STRA6: variants seen among roughly 807,000 people sequenced by gnomAD.
STRA6 encodes receptor for retinol uptake STRA6.
Under a neutral mutation model 83.6 loss-of-function variants are expected in STRA6, and 48 were observed. The ratio of observed to expected loss-of-function variants is 0.57; its 90% confidence interval spans 0.46 to 0.73. STRA6 has a LOEUF of 0.73. Among genes scored for constraint, STRA6 ranks in the 30% least tolerant of loss-of-function variants. The pLI, the probability that STRA6 is intolerant of heterozygous loss-of-function variation, is 0.00. For synonymous variants in STRA6, 353 were observed against 362.3 expected, an observed-to-expected ratio of 0.97 and a Z score of 0.29; for missense variants, 760 against 838.8, an observed-to-expected ratio of 0.91 and a Z score of 1.16.
chr15:74,194,987 G>A (rs2073739468), intron 7 of STRA6: 3 of 1,432,844 alleles, frequency 2.1e-6, no homozygotes, highest in Admixed American at 2.9e-5. Flanking sequence ...AAGGGAAGCT[G>A]GGGGATCACT....
At chr15:74,198,799 G>A (rs2073934133) in intron 2 of STRA6, among the ~76,000 whole-genome samples, 1 of 152,244 alleles carries the variant, frequency 6.6e-6, no homozygotes, top group Non-Finnish European at 1.5e-5. Context: ...TTCCACAGAG[G>A]CTCCCTATGG....
intron 1 of STRA6, 41 bp from the exon 2 acceptor site, chr15:74,202,323 G>A (rs1281517839): frequency 2.5e-6 from 4 of 1,583,882 alleles, no homozygotes; most frequent in African/African-American, 1.4e-5. Context: ...CACTACAGAT[G>A]TGAAAAGAGG....
At chr15:74,187,181 G>T (rs1242147186) in intron 12 of STRA6, among the ~76,000 whole-genome samples, 2 of 152,210 alleles carry the variant, frequency 1.3e-5, no homozygotes, top group Non-Finnish European at 2.9e-5. Flanking sequence ...AGGGTTAGCA[G>T]CCCCCTTGGC....
chr15:74,206,098 A>C (rs2074255922), upstream of STRA6, among the ~76,000 whole-genome samples: 1 of 152,100 alleles, frequency 6.6e-6, no homozygotes, highest in Non-Finnish European at 1.5e-5. Context: ...GAGATTCTCC[A>C]GTTGTGAACT....
intron 7 of STRA6, chr15:74,195,088 G>T (rs1157995163): frequency 6.8e-7 from 1 of 1,461,568 alleles, no homozygotes; most frequent in Non-Finnish European, 9.0e-7. Context: ...TAGACTTAAA[G>T]TTCCTGAGGG....
upstream of STRA6, among the ~76,000 whole-genome samples, chr15:74,204,937 A>G (rs1442810621): frequency 7.4e-6 from 1 of 134,662 alleles, no homozygotes; most frequent in Non-Finnish European, 1.7e-5. Context: ...TCCATCTCAA[A>G]AAAAAAGAAA....
rs1483343145 is a variant in STRA6 at position 74,188,171 on chromosome 15, C to T, written c.1090+944G>A. On this transcript the variant is annotated intron_variant, in intron 12 of 18. Transcript: ENST00000395105. This position sits in a 1 kb window ranked among gnomAD's most constrained non-coding sequence, Gnocchi z 4.5. ...AAGGAAGTGGTCACTCCGTGCACCT[C>T]TGCCCACCCCCCACTCCCTGCCCCG... 1.3e-5 allele frequency among the ~76,000 whole-genome samples: 2 copies of T among 152,204 alleles called. No homozygotes were observed. Among genetic ancestry groups the T allele is most frequent in the South Asian group, 4.1e-4 (2 of 4,832 alleles).
chr15:74,191,318 C>A lies in STRA6; in HGVS notation c.789-75G>T. The A allele has an allele frequency of 1.9e-6, 3 of 1,609,640 alleles. No individual in the cohort carries two copies. The South Asian group carries it at 3.3e-5, about 18-fold the overall frequency. On this transcript the variant is annotated intron_variant, in intron 9 of 18. Coordinates refer to ENST00000395105, the MANE Select transcript of STRA6 (RefSeq NM_022369.4). ...CTGAGGGCCAGCCCCAGAGGCTGGT[C>A]ATTCTTCCCCTCTGCCCCTGCCATG...
rs578227761 is a variant in STRA6, at chr15:74,179,790, G to A, written c.*290C>T. 5.6e-5 allele frequency: 23 copies of A among 410,460 alleles called. No homozygotes were observed. Among genetic ancestry groups the A allele is most frequent in the Admixed American group, 4.9e-4 (13 of 26,758 alleles). 25.4% of individuals were successfully genotyped at this position (410,460 alleles called of 1,614,324 possible). A position where few individuals can be genotyped will look rare whatever the true frequency, so the allele number is the denominator to read the frequency against. ...CAAGGCTGATGGCAGAGCCAGGGTA[G>A]GGAGACGCCTGGATGTGGCTGCCCT... On this transcript the variant is annotated 3_prime_UTR_variant, in exon 19 of 19. Coordinates refer to ENST00000395105, the MANE Select transcript of STRA6 (RefSeq NM_022369.4).
Position 74,182,391 on chromosome 15 carries a change from A to G in STRA6, c.1370T>C (p.Val457Ala). 1 of 1,613,814 alleles carries G rather than the reference A, an allele frequency of 6.2e-7. No homozygotes were observed. Among genetic ancestry groups the G allele is most frequent in the Non-Finnish European group, 8.5e-7 (1 of 1,179,834 alleles). Residue 457 changes from valine (V) to alanine (A), a missense_variant, in exon 15 of 19, where the codon GTG becomes GCG. Coordinates refer to ENST00000395105, the MANE Select transcript of STRA6 (RefSeq NM_022369.4). ...TALAFLVLMP[V>A]LHGRNLLLFR... ...GAGCAGGAGGTTCCTGCCATGGAGC[A>G]CAGGCATGAGCACCAGGAAGGCCAG... is the stretch of plus-strand genomic sequence containing the variant.
rs1290018831 is a variant in STRA6, at chr15:74,181,293, A to C, written c.1684+2T>G. ...TCCTCCAGCCCCGCCCAGTGACCTT[A>C]CCGGGGTCGAGAGTGGCGGCTCTCG... On this transcript the variant is annotated splice_donor_variant, in intron 17 of 18. Coordinates refer to ENST00000395105, the MANE Select transcript of STRA6 (RefSeq NM_022369.4). LOFTEE classifies it high-confidence loss of function. 1 of 1,610,934 alleles carries C rather than the reference A, an allele frequency of 6.2e-7. No individual in the cohort carries two copies. Among genetic ancestry groups the C allele is most frequent in the African/African-American group, 1.4e-5 (1 of 73,964 alleles).
At chr15:74,205,859 C>T (rs2074249115), upstream of STRA6, among the ~76,000 whole-genome samples, 3 of 152,252 alleles carry the variant, frequency 2.0e-5, no homozygotes, top group Admixed American at 2.0e-4. Flanking sequence ...GAGCTTCGTC[C>T]TTTTCCCCTG....
chr15:74,202,004 G>A (rs2074089827), intron 2 of STRA6, 151 bp downstream of exon 2: 1 of 885,854 alleles, frequency 1.1e-6, no homozygotes, highest in African/African-American at 1.7e-5. Flanking sequence ...ACCCCAGAGA[G>A]GCTGTGACTT....
chr15:74,201,926 A>G (rs2074085264), intron 2 of STRA6, among the ~76,000 whole-genome samples: 1 of 152,202 alleles, frequency 6.6e-6, no homozygotes, highest in South Asian at 2.1e-4. Flanking sequence ...TAAGGTGACC[A>G]GCCTTAGGTG....
intron 18 of STRA6, 115 bp downstream of exon 18, chr15:74,180,667 A>C: frequency 5.5e-6 from 8 of 1,446,616 alleles, no homozygotes; most frequent in South Asian, 1.4e-5. Context: ...CAGCCAAGGA[A>C]GAGAGGAAGT....
upstream of STRA6, chr15:74,209,688 C>T: frequency 2.0e-6 from 1 of 510,132 alleles, no homozygotes; most frequent in Non-Finnish European, 3.5e-6. Flanking sequence ...TCGGCTGCAT[C>T]CCCCCTCACC....
In STRA6 at chr15:74,182,097, A is replaced by AAG. The variant is rs2073022130; in HGVS notation, c.1520+62_1520+63dup. On this transcript the variant is annotated intron_variant, in intron 16 of 18. Transcript: ENST00000395105. ...GATGGCAGTGGAGGGAGGACACAAA[A>AAG]AGAGAGAGACACCGAAGAAGAGGCG... 8 of 1,410,946 alleles carry AAG rather than the reference A, an allele frequency of 5.7e-6. No individual in the cohort carries two copies. In the South Asian group the frequency reaches 8.1e-5, roughly 14 times the overall value. The allele number at this position is 1,410,946 out of a possible 1,614,324, so 87.4% of individuals were successfully genotyped here. A position where few individuals can be genotyped will look rare whatever the true frequency, so the allele number is the denominator to read the frequency against.
chr15:74,187,679 G>A (rs76637248), intron 12 of STRA6, among the ~76,000 whole-genome samples: 177 of 152,234 alleles, frequency 1.2e-3, no homozygotes, highest in East Asian at 2.9e-3. Context: ...GGCTTTGGCC[G>A]TATCTGTAAT....
intron 1 of STRA6, chr15:74,208,064 A>G: frequency 7.9e-7 from 1 of 1,272,180 alleles, no homozygotes; most frequent in South Asian, 1.7e-5. Flanking sequence ...TAAAGGATTT[A>G]GACCAGGCTG....
Sources: allele counts gnomAD v4.1 joint callset (sites outside exome capture counted in the v4.1 genomes callset), GRCh38; gene constraint gnomAD v4.1.1; non-coding constraint Gnocchi (gnomAD v3.1); transcripts MANE v1.5; gene names NCBI Gene and HGNC (gene_info 2026-07-23, HGNC 2026-07-21).